Variants in NVL observed in about 807,000 individuals in gnomAD.
NVL encodes nuclear valosin-containing protein-like.
A neutral mutation model predicts 110.2 loss-of-function variants in NVL; 84 were observed. The observed-to-expected ratio is 0.76, with a 90% CI of 0.64 to 0.91. The LOEUF is 0.91. Among genes scored for constraint, NVL ranks in the 40% least tolerant of loss-of-function variants. The pLI is 0.00. For synonymous variants in NVL, 354 were observed against 361.1 expected (o/e 0.98, Z 0.22); for missense variants, 882 against 1,035.9 (o/e 0.85, Z 2.04).
At chr1:224,291,943 C>A (rs995559318) in intron 12 of NVL, among the ~76,000 whole-genome samples, 1 of 152,186 alleles carries the variant, frequency 6.6e-6, no homozygotes, top group African/African-American at 2.4e-5. Flanking sequence ...GTTCTAGCTC[C>A]AGCTACTGCA....
At chr1:224,323,650 A>C (rs1372129768) in intron 2 of NVL, among the ~76,000 whole-genome samples, 1 of 152,204 alleles carries the variant, frequency 6.6e-6, no homozygotes, top group Non-Finnish European at 1.5e-5. Context: ...GTTATCCTTC[A>C]AGAAAAGGGA....
chr1:224,305,387 C>T, intron 6 of NVL: 1 of 467,384 alleles, frequency 2.1e-6, no homozygotes, highest in Non-Finnish European at 3.8e-6. Context: ...TTGGTGCTGG[C>T]CTTGGCAGCA....
At chr1:224,304,680 C>G in intron 8 of NVL, 56 bp downstream of exon 8, 2 of 1,432,420 alleles carry the variant, frequency 1.4e-6, no homozygotes, top group East Asian at 4.5e-5. Context: ...AGGCTTTTTC[C>G]TCATAACTGA....
At chr1:224,243,625 A>C (rs1414629894) in intron 19 of NVL, among the ~76,000 whole-genome samples, 1 of 151,526 alleles carries the variant, frequency 6.6e-6, no homozygotes, top group African/African-American at 2.4e-5. Context: ...GGCTTAATAA[A>C]TGTTAGCTAT....
intron 18 of NVL, chr1:224,256,922 A>G: frequency 2.3e-6 from 1 of 443,280 alleles, no homozygotes; most frequent in East Asian, 7.2e-5. Context: ...ATATATTCAG[A>G]TTCCTTCTAC....
At chr1:224,236,650 C>G (rs959999797) in intron 19 of NVL, 68 bp from the exon 20 acceptor site, 1 of 1,301,096 alleles carries the variant, frequency 7.7e-7, no homozygotes, top group Non-Finnish European at 1.1e-6. Context: ...ATGGCTCATG[C>G]TTGTAATCCC....
chr1:224,305,375 AT>A, intron 6 of NVL: 1 of 513,178 alleles, frequency 1.9e-6, no homozygotes, highest in Non-Finnish European at 3.4e-6. Context: ...AAATCTTAAC[AT>A]TTGGTGCTGG....
intron 15 of NVL, among the ~76,000 whole-genome samples, chr1:224,282,056 T>A (rs78870932): frequency 0.041 from 6,217 of 151,202 alleles, 167 homozygotes; most frequent in East Asian, 0.097. Context: ...CTTTTTTTTT[T>A]AAATTTCACT....
At chr1:224,233,330 G>A (rs2102696682) in intron 20 of NVL, 41 bp from the exon 21 acceptor site, 5 of 1,477,448 alleles carry the variant, frequency 3.4e-6, no homozygotes, top group East Asian at 2.4e-5. Flanking sequence ...CTTAGATACT[G>A]CAAAATCCCA....
At chr1:224,230,904 C>T (rs1197665497) in intron 22 of NVL, among the ~76,000 whole-genome samples, 3 of 152,056 alleles carry the variant, frequency 2.0e-5, no homozygotes, top group Admixed American at 6.6e-5. Flanking sequence ...GAGGCAGAGA[C>T]GGGCGGATCA....
chr1:224,246,039 T>C (rs1661782395), intron 19 of NVL, among the ~76,000 whole-genome samples: 1 of 152,150 alleles, frequency 6.6e-6, no homozygotes, highest in Admixed American at 6.6e-5. Flanking sequence ...ATGACTTTTT[T>C]TTTTTTGGAG....
At chr1:224,304,981 T>C in intron 7 of NVL, 53 bp downstream of exon 7, 4 of 1,600,236 alleles carry the variant, frequency 2.5e-6, no homozygotes, top group Non-Finnish European at 3.4e-6. Flanking sequence ...GACAGAATGA[T>C]GCTTCTCTCA....
intron 18 of NVL, among the ~76,000 whole-genome samples, chr1:224,250,819 G>A (rs1489374334): frequency 6.6e-6 from 1 of 151,996 alleles, no homozygotes; most frequent in Admixed American, 6.6e-5. Context: ...ATGTTTGGCT[G>A]GTTAATTTTT....
At chr1:224,294,518 A>T (rs1667692813) in intron 11 of NVL, 107 bp from the exon 12 acceptor site, 2 of 1,073,806 alleles carry the variant, frequency 1.9e-6, no homozygotes, top group Admixed American at 4.4e-5. Flanking sequence ...AGATTTTGAC[A>T]GCAACATACA....
intron 2 of NVL, among the ~76,000 whole-genome samples, chr1:224,320,626 G>C (rs1279782191): frequency 6.6e-6 from 1 of 151,186 alleles, no homozygotes. Context: ...CAGCCTGGGT[G>C]ACTGAGTGAG....
chr1:224,231,132 C>CAAAA, intron 22 of NVL, 94 bp downstream of exon 22: 5 of 654,078 alleles, frequency 7.6e-6, no homozygotes, highest in Non-Finnish European at 9.9e-6. Context: ...GACTCCGTCT[C>CAAAA]AAAAAAAAAA....
At chr1:224,245,914 G>A (rs1268604979) in intron 19 of NVL, among the ~76,000 whole-genome samples, 1 of 151,892 alleles carries the variant, frequency 6.6e-6, no homozygotes, top group Non-Finnish European at 1.5e-5. Context: ...ACCATGCCCG[G>A]CCAAAGTTGA....
At chr1:224,235,058 C>T (rs866692853) in intron 20 of NVL, among the ~76,000 whole-genome samples, 7 of 152,180 alleles carry the variant, frequency 4.6e-5, no homozygotes, top group South Asian at 2.1e-4. Context: ...CTGCCTTGGC[C>T]TCCCAAAGGG....
chr1:224,312,775 C>T (rs1436379759), intron 4 of NVL: 1 of 144,988 alleles, frequency 6.9e-6, no homozygotes, highest in Non-Finnish European at 1.5e-5. Flanking sequence ...GAGCCAAGAT[C>T]GTGCCACTAC....
Sources: gnomAD v4.1 joint callset for allele counts (sites outside exome capture counted in the v4.1 genomes callset) on GRCh38, gnomAD v4.1.1 for gene constraint, MANE v1.5 for transcripts, NCBI Gene and HGNC (gene_info 2026-07-23, HGNC 2026-07-21) for gene names.